Variants in RUNX1 observed in about 807,000 individuals in gnomAD.
RUNX1 encodes the protein RUNX family transcription factor 1, also known as runt-related transcription factor 1.
A neutral mutation model predicts 42.8 loss-of-function variants in RUNX1; 19 were observed. That is an observed-to-expected ratio of 0.44 (90% CI 0.31 to 0.65). The LOEUF (loss-of-function observed/expected upper bound fraction) is 0.65, where lower values mean the gene tolerates loss of function less well. RUNX1 is among the 30% of genes least tolerant of loss of function. The pLI is 0.07. For missense variants in RUNX1, 528 were observed against 672.0 expected, an observed-to-expected ratio of 0.79 and a Z score of 2.37; for synonymous variants, 271 against 289.4, an observed-to-expected ratio of 0.94 and a Z score of 0.64.
intron 5 of RUNX1, among the ~76,000 whole-genome samples, chr21:34,875,256 G>A (rs1321126367): frequency 6.6e-6 from 1 of 152,244 alleles, no homozygotes; most frequent in African/African-American, 2.4e-5. Flanking sequence ...TTAGGAAAGT[G>A]TTGCTATCCT....
chr21:34,967,313 C>T (rs1256946551), intron 2 of RUNX1, among the ~76,000 whole-genome samples: 7 of 56,712 alleles, frequency 1.2e-4, no homozygotes, highest in Admixed American at 1.1e-3. Flanking sequence ...GTGTGAGACT[C>T]GGTCTCAAAA....
intron 7 of RUNX1, chr21:34,834,018 C>CGTGT (rs145016888): frequency 6.7e-5 from 24 of 357,340 alleles, no homozygotes; most frequent in African/African-American, 2.1e-4. Context: ...CTTTGCTTGA[C>CGTGT]GTGTGTGTGT....
At chr21:34,846,192 G>GTTTTTTTTTT (rs2057312571) in intron 6 of RUNX1, among the ~76,000 whole-genome samples, 1 of 105,756 alleles carries the variant, frequency 9.5e-6, no homozygotes. Context: ...GTTTAAGGAT[G>GTTTTTTTTTT]TCTTTTTTTT....
At chr21:34,922,863 A>C (rs998609963) in intron 2 of RUNX1, among the ~76,000 whole-genome samples, 1 of 152,236 alleles carries the variant, frequency 6.6e-6, no homozygotes, top group Non-Finnish European at 1.5e-5. Flanking sequence ...TTACTGAATA[A>C]GTATCTACCA....
intron 2 of RUNX1, among the ~76,000 whole-genome samples, chr21:34,994,462 T>C (rs1213640760): frequency 6.6e-6 from 1 of 152,112 alleles, no homozygotes; most frequent in East Asian, 1.9e-4. Flanking sequence ...GGATACCCCA[T>C]TTTCCATGAC....
rs111235452 is a variant in RUNX1, at chr21:34,969,686, TA to T, written c.59-76724del. Reference sequence around the variant, plus strand: ...CTGGGTCTGCATATGGTGCAATGCATAAAAAAAAAACAGCAAAATTCATAAA... The same window carrying T: ...CTGGGTCTGCATATGGTGCAATGCATAAAAAAAAACAGCAAAATTCATAAA... On this transcript the variant is annotated intron_variant, in intron 2 of 8. Transcript: ENST00000675419. Among the ~76,000 whole-genome samples the T allele has an allele frequency of 5.0e-3, 637 of 127,836 alleles. 6 individuals carry two copies. The highest frequency in any genetic ancestry group is 0.017 in the African/African-American group (561 of 32,626). 83.9% of individuals were successfully genotyped at this position (127,836 alleles called of 152,430 possible).
chr21:35,001,354 T>G (rs1460796745), intron 2 of RUNX1, among the ~76,000 whole-genome samples: 2 of 150,170 alleles, frequency 1.3e-5, no homozygotes, highest in Non-Finnish European at 3.0e-5. Context: ...AACATACAGT[T>G]TGACATTTTA....
In RUNX1 at chr21:34,892,923, A is replaced by AC. The variant is rs769395497; in HGVS notation, c.97+1dup. On this transcript the variant is annotated splice_donor_variant, in intron 3 of 8. Coordinates refer to ENST00000675419, the MANE Select transcript of RUNX1 (RefSeq NM_001754.5). LOFTEE classifies it high-confidence loss of function. ...AAAAATATAACTTGGAATTTAACAT[A>AC]CCGTGGACGTCTCTAGAAGGATTCA... The AC allele has an allele frequency of 6.5e-7, 1 of 1,547,706 alleles. No individual in the cohort carries two copies. Among genetic ancestry groups the AC allele is most frequent in the Non-Finnish European group, 8.9e-7 (1 of 1,120,916 alleles).
At chr21:34,895,693 G>A (rs1466653410) in intron 2 of RUNX1, among the ~76,000 whole-genome samples, 1 of 151,946 alleles carries the variant, frequency 6.6e-6, no homozygotes, top group Non-Finnish European at 1.5e-5. Flanking sequence ...TACAGTTGGG[G>A]CATAGGTTTG....
intron 6 of RUNX1, among the ~76,000 whole-genome samples, chr21:34,858,137 A>G (rs1321837334): frequency 6.6e-6 from 1 of 152,176 alleles, no homozygotes; most frequent in African/African-American, 2.4e-5. Flanking sequence ...CCATCCACTC[A>G]AGGACTTTGG....
chr21:34,960,099 G>A (rs1413096757), intron 2 of RUNX1, among the ~76,000 whole-genome samples: 1 of 152,150 alleles, frequency 6.6e-6, no homozygotes, highest in Non-Finnish European at 1.5e-5. Flanking sequence ...GCACCAGATC[G>A]GGGCATCGGT....
intron 7 of RUNX1, 60 bp downstream of exon 7, chr21:34,834,350 A>T: frequency 6.4e-7 from 1 of 1,550,666 alleles, no homozygotes. Context: ...CATGGGGGCC[A>T]GTTGTGGGTG....
chr21:34,848,252 C>G (rs1569050329), intron 6 of RUNX1, among the ~76,000 whole-genome samples: 2 of 152,238 alleles, frequency 1.3e-5, no homozygotes, highest in Admixed American at 6.5e-5. Flanking sequence ...AGGAAGCCAG[C>G]TCTGGAGCTT....
At chr21:34,906,104 A>C (rs2058216108) in intron 2 of RUNX1, among the ~76,000 whole-genome samples, 1 of 152,240 alleles carries the variant, frequency 6.6e-6, no homozygotes, top group African/African-American at 2.4e-5. Flanking sequence ...TTCGAAAGTA[A>C]ATGTGGTACT....
At chr21:34,962,586 T>TC (rs1569126968) in intron 2 of RUNX1, among the ~76,000 whole-genome samples, 1 of 152,044 alleles carries the variant, frequency 6.6e-6, no homozygotes, top group Non-Finnish European at 1.5e-5. Context: ...TGTGTGTTTT[T>TC]TCTTTACCAC....
At chr21:34,880,267 T>C (rs2057875286) in intron 5 of RUNX1, among the ~76,000 whole-genome samples, 1 of 152,278 alleles carries the variant, frequency 6.6e-6, no homozygotes, top group Admixed American at 6.5e-5. Context: ...GTCAGTTTTA[T>C]ATTTTTTGCA....
chr21:35,001,308 T>TTA (rs3059374), intron 2 of RUNX1, among the ~76,000 whole-genome samples: 2,691 of 142,388 alleles, frequency 0.019, 53 homozygotes, highest in East Asian at 0.09. Context: ...AGTTATGGTT[T>TTA]TATATATATA....
Position 34,882,981 on chromosome 21 carries a change from G to A in RUNX1, c.352-2268C>T, listed in dbSNP as rs182949364. ...ATTGTTGGGTCTGGATCTGTAAAAA[G>A]GTGAAAATAAATAAATCTTCTTTTA... On this transcript the variant is annotated intron_variant, in intron 4 of 8. Transcript: ENST00000675419. 3.7e-3 allele frequency among the ~76,000 whole-genome samples: 561 copies of A among 152,248 alleles called. 2 individuals are homozygous for A. The highest frequency in any genetic ancestry group is 6.8e-3 in the Middle Eastern group (2 of 294).
chr21:34,836,680 C>T (rs182362088), intron 6 of RUNX1, among the ~76,000 whole-genome samples: 148 of 152,304 alleles, frequency 9.7e-4, no homozygotes, highest in Admixed American at 2.7e-3. Flanking sequence ...TAATGCCAGT[C>T]GGCAAAGGCT....
Sources: gnomAD v4.1 joint callset for allele counts (sites outside exome capture counted in the v4.1 genomes callset) on GRCh38, gnomAD v4.1.1 for gene constraint, MANE v1.5 for transcripts, NCBI Gene and HGNC (gene_info 2026-07-23, HGNC 2026-07-21) for gene names.